The following ZNF593OS variants were observed in gnomAD, a reference collection of about 807,000 sequenced individuals.
ZNF593OS encodes ZNF593 opposite strand.
At position 26,170,622 on chromosome 1, in the gene ZNF593OS, G is replaced by A. The variant is rs778970503; in HGVS notation, c.*567C>T. The A allele has an allele frequency of 2.4e-5, 38 of 1,613,446 alleles. No individual in the cohort carries two copies. Among genetic ancestry groups the A allele is most frequent in the Middle Eastern group, 1.6e-4 (1 of 6,084 alleles). On this transcript the variant is annotated 3_prime_UTR_variant, in exon 2 of 2. Transcript: ENST00000648649. Reference sequence around the variant, plus strand: ...CCCTACAGTCAGGAAGAGGCGGAGAGGGCAGCGGGTATGGGATCCTATGTG... The same window carrying A: ...CCCTACAGTCAGGAAGAGGCGGAGAAGGCAGCGGGTATGGGATCCTATGTG...
At chr1:26,170,470 C>T (rs373287283), downstream of ZNF593OS, 13 of 1,614,050 alleles carry the variant, frequency 8.1e-6, no homozygotes, top group South Asian at 1.1e-5. Flanking sequence ...ATCCAAAGAC[C>T]ACAAGAAAAG....
downstream of ZNF593OS, chr1:26,170,302 C>T (rs768502094): frequency 1.3e-6 from 2 of 1,522,570 alleles, no homozygotes; most frequent in Non-Finnish European, 1.8e-6. Context: ...TGGGTCCGCC[C>T]GCCTCCCGTT....
chr1:26,169,922 T>C (rs2124497071), downstream of ZNF593OS: 1 of 1,461,198 alleles, frequency 6.8e-7, no homozygotes. Context: ...GGCCCGGAAG[T>C]GCTCACACGT....
At chr1:26,170,937 C>A in exon 2 of ZNF593OS, 1 of 627,430 alleles carries the variant, frequency 1.6e-6, no homozygotes, top group African/African-American at 1.8e-5. Context: ...GGCTTCTCTA[C>A]TACTTTCTGT....
At chr1:26,170,399 C>G (rs767319358), downstream of ZNF593OS, 31 of 1,610,942 alleles carry the variant, frequency 1.9e-5, no homozygotes, top group Middle Eastern at 1.7e-4. Context: ...CACTCTCCTT[C>G]TCACTTCCAT....
At chr1:26,170,190 C>A (rs1017316994), downstream of ZNF593OS, 5 of 1,571,328 alleles carry the variant, frequency 3.2e-6, no homozygotes, top group Non-Finnish European at 4.3e-6. Context: ...GCGCGTGAGT[C>A]CCGGACGAGC....
chr1:26,171,058 G>T lies in ZNF593OS; in HGVS notation c.*131C>A, dbSNP rs1199165316. 2 of 484,960 alleles carry T rather than the reference G, an allele frequency of 4.1e-6. No individual in the cohort carries two copies. Among genetic ancestry groups the T allele is most frequent in the African/African-American group, 3.9e-5 (2 of 51,848 alleles). The allele number at this position is 484,960 out of a possible 1,614,324, so 30.0% of individuals were successfully genotyped here. A position where few individuals can be genotyped will look rare whatever the true frequency, so the allele number is the denominator to read the frequency against. On this transcript the variant is annotated 3_prime_UTR_variant, in exon 2 of 2. Coordinates refer to ENST00000648649, the Ensembl canonical transcript of ZNF593OS. The surrounding 1 kb of genome is among the most constrained non-coding windows in gnomAD (Gnocchi z 5.5). ...TGGAGGCCTGATGCAGTGTGGGGTG[G>T]CGGGAGTGGGATCAGATTACTCTGT...
In ZNF593OS at chr1:26,171,138, C is replaced by T. The variant is rs1342431149; in HGVS notation, c.*51G>A. ...AAAGAAGGCTTCTGAGATTGCACCC[C>T]CCTCCCGAGTCACCTACCCCCAGCA... On this transcript the variant is annotated 3_prime_UTR_variant, in exon 2 of 2. Transcript: ENST00000648649. The surrounding 1 kb of genome is among the most constrained non-coding windows in gnomAD (Gnocchi z 5.5). 2.4e-6 allele frequency: 1 copy of T among 409,468 alleles called. No homozygotes were observed. Among genetic ancestry groups the T allele is most frequent in the Admixed American group, 4.0e-5 (1 of 24,862 alleles). 25.4% of individuals were successfully genotyped at this position (409,468 alleles called of 1,614,324 possible). A position where few individuals can be genotyped will look rare whatever the true frequency, so the allele number is the denominator to read the frequency against.
downstream of ZNF593OS, chr1:26,170,263 C>G (rs2088474136): frequency 3.2e-6 from 5 of 1,563,056 alleles, no homozygotes; most frequent in Non-Finnish European, 4.3e-6. Flanking sequence ...AAGCCCCAGG[C>G]AGCGCAGAGT....
downstream of ZNF593OS, chr1:26,170,216 G>T: frequency 6.3e-7 from 1 of 1,580,442 alleles, no homozygotes. Context: ...CTGGGGCGGA[G>T]GAGGGTCCGC....
downstream of ZNF593OS, chr1:26,170,211 G>T (rs1460885901): frequency 6.3e-7 from 1 of 1,578,078 alleles, no homozygotes; most frequent in Non-Finnish European, 8.6e-7. Context: ...CCGGCCTGGG[G>T]CGGAGGAGGG....
At chr1:26,170,665 A>C (rs2088486977) in exon 2 of ZNF593OS, 2 of 1,611,558 alleles carry the variant, frequency 1.2e-6, no homozygotes, top group South Asian at 2.2e-5. Flanking sequence ...GGCGGCTGGC[A>C]GTGCCCACGG....
rs146136975 is a variant in ZNF593OS at position 26,170,678 on chromosome 1, G to A, written c.*511C>T. The A allele has an allele frequency of 8.1e-6, 13 of 1,610,444 alleles. No homozygotes were observed. In the African/African-American group the frequency reaches 1.3e-4, roughly 17 times the overall value. ...CAGGCGGCTGGCAGTGCCCACGGAA[G>A]TGTCCACTGAGGTCCCTGAGATGGA... is the stretch of plus-strand genomic sequence containing the variant. On this transcript the variant is annotated 3_prime_UTR_variant, in exon 2 of 2. Transcript: ENST00000648649.
downstream of ZNF593OS, chr1:26,169,991 G>T (rs1181264209): frequency 7.8e-6 from 12 of 1,545,592 alleles, no homozygotes; most frequent in Non-Finnish European, 9.6e-6. Flanking sequence ...GCCATGGGTC[G>T]CTCCCGCCGG....
downstream of ZNF593OS, chr1:26,170,464 A>G (rs1480727100): frequency 2.5e-6 from 4 of 1,614,214 alleles, no homozygotes; most frequent in Non-Finnish European, 3.4e-6. Flanking sequence ...CTTCCGATCC[A>G]AAGACCACAA....
chr1:26,171,820 C>T lies in ZNF593OS; in HGVS notation c.-159G>A. The stretch of plus-strand genomic sequence containing the variant: ...CTCAGAGGATGCTCACCCGCGCCTG[C>T]CTGCCCAGGTCTGGCAGGGGGCGGA... On this transcript the variant is annotated 5_prime_UTR_variant, in exon 1 of 2. Coordinates refer to ENST00000648649, the Ensembl canonical transcript of ZNF593OS. This position sits in a 1 kb window ranked among gnomAD's most constrained non-coding sequence, Gnocchi z 5.5. 5.0e-6 allele frequency: 2 copies of T among 396,186 alleles called. No individual in the cohort carries two copies. The highest frequency in any genetic ancestry group is 8.9e-6 in the Non-Finnish European group (2 of 225,028). The allele number at this position is 396,186 out of a possible 1,614,324, so 24.5% of individuals were successfully genotyped here.
chr1:26,170,188 G>A (rs2088472390), downstream of ZNF593OS: 1 of 1,573,400 alleles, frequency 6.4e-7, no homozygotes, highest in South Asian at 1.1e-5. Flanking sequence ...CTGCGCGTGA[G>A]TCCCGGACGA....
At chr1:26,170,010 G>T, downstream of ZNF593OS, 2 of 1,557,994 alleles carry the variant, frequency 1.3e-6, no homozygotes, top group South Asian at 2.3e-5. Context: ...GGACAGGCGC[G>T]CACCGAGCGC....
chr1:26,171,170 T>C lies in ZNF593OS; in HGVS notation c.*19A>G. 2.4e-6 allele frequency: 1 copy of C among 408,326 alleles called. No individual in the cohort carries two copies. Among genetic ancestry groups the C allele is most frequent in the Non-Finnish European group, 4.3e-6 (1 of 231,300 alleles). The allele number at this position is 408,326 out of a possible 1,614,324, so 25.3% of individuals were successfully genotyped here. On this transcript the variant is annotated 3_prime_UTR_variant, in exon 2 of 2. Transcript: ENST00000648649. The surrounding 1 kb of genome is among the most constrained non-coding windows in gnomAD (Gnocchi z 5.5). Reference sequence around the variant, plus strand: ...GAGTCACCTACCCCCAGCATCCAAGTGAGAGTCTCTCTTCTTCGTTACGGG... The same window carrying C: ...GAGTCACCTACCCCCAGCATCCAAGCGAGAGTCTCTCTTCTTCGTTACGGG...
Sources: gnomAD v4.1 joint callset for allele counts on GRCh38, gnomAD v4.1.1 for gene constraint, Gnocchi (gnomAD v3.1) non-coding constraint, MANE v1.5 for transcripts, NCBI Gene and HGNC (gene_info 2026-07-23, HGNC 2026-07-21) for gene names.